Variants in CNTN2 observed in about 807,000 individuals in gnomAD.
CNTN2 encodes contactin 2.
CNTN2 carries 53 observed loss-of-function variants against 117.5 expected under a neutral mutation model. That is an observed-to-expected ratio of 0.45 (90% CI 0.36 to 0.57). CNTN2 has a LOEUF of 0.57. Ranked by LOEUF, CNTN2 falls within the 20% of genes least tolerant of loss-of-function variation. The pLI is 0.00. For missense variants in CNTN2, 1,106 were observed against 1,404.3 expected (o/e 0.79, Z 3.39); for synonymous variants, 530 against 561.7 (o/e 0.94, Z 0.80).
intron 10 of CNTN2, 151 bp from the exon 11 acceptor site, chr1:205,064,171 T>G (rs1234451817): frequency 1.2e-6 from 1 of 811,452 alleles, no homozygotes; most frequent in Non-Finnish European, 1.9e-6. Flanking sequence ...TTTGATAGCT[T>G]AGGCCAGAGA....
At chr1:205,069,759 G>C in intron 17 of CNTN2, 68 bp from the exon 18 acceptor site, 1 of 1,544,582 alleles carries the variant, frequency 6.5e-7, no homozygotes, top group Non-Finnish European at 8.9e-7. Flanking sequence ...CAAAGGTTGG[G>C]TGGGGCCAGG....
chr1:205,071,651 G>A (rs1014730324), intron 19 of CNTN2, among the ~76,000 whole-genome samples: 2 of 152,168 alleles, frequency 1.3e-5, no homozygotes, highest in South Asian at 2.1e-4. Context: ...AGCCCCCCAA[G>A]TTAATGAAAT....
chr1:205,071,929 T>C lies in CNTN2; in HGVS notation c.2545-18T>C. The C allele has an allele frequency of 6.3e-7, 1 of 1,598,788 alleles. No homozygotes were observed. Reference sequence around the variant, plus strand: ...CTGGGCTTGACTACTACCCCTTGGGTACCCCCGCCTCCTTCAGATCCGCTA... The same window carrying C: ...CTGGGCTTGACTACTACCCCTTGGGCACCCCCGCCTCCTTCAGATCCGCTA... On this transcript the variant is annotated intron_variant, in intron 19 of 22. Transcript: ENST00000331830.
Position 205,053,174 on chromosome 1 carries a change from C to T in CNTN2, c.-12C>T, listed in dbSNP as rs376101105. 132 of 1,610,500 alleles carry T rather than the reference C, an allele frequency of 8.2e-5. No homozygotes were observed. Among genetic ancestry groups the T allele is most frequent in the Non-Finnish European group, 1.0e-4 (118 of 1,178,454 alleles). The stretch of plus-strand genomic sequence containing the variant: ...TTCTCCTCCGATCCCCACCTCTGCC[C>T]GGACATCCACCATGGGGACAGCCAC... On this transcript the variant is annotated 5_prime_UTR_variant, in exon 2 of 23. Transcript: ENST00000331830.
In CNTN2 at chr1:205,064,598, C is replaced by T. The variant is rs201931933; in HGVS notation, c.1392-25C>T. ...CAGGGACAACCATGCCTGAGTTGGC[C>T]ACATCTGCCTTGTCCTTGCCACAGA... On this transcript the variant is annotated intron_variant, in intron 11 of 22. Transcript: ENST00000331830. The T allele has an allele frequency of 8.9e-5, 143 of 1,610,966 alleles. 2 individuals are homozygous for T. The highest frequency in any genetic ancestry group is 7.0e-5 in the Non-Finnish European group (82 of 1,177,504).
In CNTN2 at chr1:205,074,802, A is replaced by G. The variant is rs539322731; in HGVS notation, c.*1037A>G. The G allele has an allele frequency of 1.8e-5, 7 of 398,624 alleles. No individual in the cohort carries two copies. Among genetic ancestry groups the G allele is most frequent in the African/African-American group, 1.4e-4 (7 of 48,714 alleles). 24.7% of individuals were successfully genotyped at this position (398,624 alleles called of 1,614,324 possible). A position where few individuals can be genotyped will look rare whatever the true frequency, so the allele number is the denominator to read the frequency against. ...CAGCATTCATGCTGTGTGTCCTGGT[A>G]TTGGGAGGTTTCTGGGAAGGGCAGA... On this transcript the variant is annotated 3_prime_UTR_variant, in exon 23 of 23. Transcript: ENST00000331830.
chr1:205,046,919 C>G (rs764784622), intron 1 of CNTN2, among the ~76,000 whole-genome samples: 3 of 152,148 alleles, frequency 2.0e-5, no homozygotes, highest in African/African-American at 7.2e-5. Flanking sequence ...CCACTCCCTA[C>G]TTTAAAGGGT....
intron 7 of CNTN2, chr1:205,060,194 A>G (rs2151191001): frequency 6.4e-6 from 1 of 156,080 alleles, no homozygotes; most frequent in South Asian, 2.0e-4. Flanking sequence ...ACAGTGATCT[A>G]TTTGAGAATG....
In CNTN2 at chr1:205,048,295, C is replaced by T. The variant is rs1436006543; in HGVS notation, c.-86-4805C>T. Among the ~76,000 whole-genome samples, 1 of 152,108 alleles carries T rather than the reference C, an allele frequency of 6.6e-6. No homozygotes were observed. The highest frequency in any genetic ancestry group is 1.5e-5 in the Non-Finnish European group (1 of 68,010). On this transcript the variant is annotated intron_variant, in intron 1 of 22. Coordinates refer to ENST00000331830, the MANE Select transcript of CNTN2 (RefSeq NM_005076.5). This position sits in a 1 kb window ranked among gnomAD's most constrained non-coding sequence, Gnocchi z 4.1. ...TGTACCTTTTATTTTTTGACTGGCT[C>T]CATGCGGGGGGCCTTATCCCAGAAA... is the stretch of plus-strand genomic sequence containing the variant.
chr1:205,058,367 C>A lies in CNTN2; in HGVS notation c.391+11C>A, dbSNP rs750562954. 1 of 1,525,972 alleles carries A rather than the reference C, an allele frequency of 6.6e-7. No homozygotes were observed. The highest frequency in any genetic ancestry group is 8.8e-7 in the Non-Finnish European group (1 of 1,134,318). The allele number at this position is 1,525,972 out of a possible 1,614,324, so 94.5% of individuals were successfully genotyped here. A position where few individuals can be genotyped will look rare whatever the true frequency, so the allele number is the denominator to read the frequency against. Reference sequence around the variant, plus strand: ...TCCTCCGCTTCGGCTGTGAGACCCGCGGGGGACCAAGACACTTTGGGGGAG... The same window carrying A: ...TCCTCCGCTTCGGCTGTGAGACCCGAGGGGGACCAAGACACTTTGGGGGAG... On this transcript the variant is annotated intron_variant, in intron 4 of 22. Coordinates refer to ENST00000331830, the MANE Select transcript of CNTN2 (RefSeq NM_005076.5). This position sits in a 1 kb window ranked among gnomAD's most constrained non-coding sequence, Gnocchi z 4.3.
intron 2 of CNTN2, 94 bp from the exon 3 acceptor site, chr1:205,057,827 C>G: frequency 1.4e-6 from 2 of 1,441,160 alleles, no homozygotes; most frequent in Non-Finnish European, 1.9e-6. Flanking sequence ...ACATTCCCAT[C>G]ATCAGAGAAA....
At chr1:205,055,251 T>A (rs1033496764) in intron 2 of CNTN2, among the ~76,000 whole-genome samples, 1 of 152,132 alleles carries the variant, frequency 6.6e-6, no homozygotes, top group African/African-American at 2.4e-5. Context: ...CGAGCTCAGG[T>A]GATCCTCCTG....
chr1:205,049,270 T>G (rs2096447778), intron 1 of CNTN2, among the ~76,000 whole-genome samples: 2 of 132,488 alleles, frequency 1.5e-5, no homozygotes, highest in African/African-American at 5.8e-5. Context: ...AGGGGCTGAG[T>G]CCTCACACCC....
In CNTN2 at chr1:205,061,768, T is replaced by C; in HGVS notation, c.974-97T>C. On this transcript the variant is annotated intron_variant, in intron 8 of 22. Transcript: ENST00000331830. The surrounding 1 kb of genome is among the most constrained non-coding windows in gnomAD (Gnocchi z 4.8). ...AGAATGCTCATGGCGCCCTCTGCTG[T>C]CTGGCACAGGTGCTGCTGCCCTGAT... 7.0e-7 allele frequency: 1 copy of C among 1,435,540 alleles called. No homozygotes were observed. The highest frequency in any genetic ancestry group is 1.4e-5 in the African/African-American group (1 of 69,252). The allele number at this position is 1,435,540 out of a possible 1,614,324, so 88.9% of individuals were successfully genotyped here.
Position 205,073,091 on chromosome 1 carries a change from C to T in CNTN2, c.2868C>T (p.His956=). 6.2e-7 allele frequency: 1 copy of T among 1,614,156 alleles called. No individual in the cohort carries two copies. Among genetic ancestry groups the T allele is most frequent in the East Asian group, 2.2e-5 (1 of 44,882 alleles). ...AGATGCTGTACCAGAATGACTTACA[C>T]CTGACTCCCACGCTCCACCTCACCG... The part of the protein sequence containing the change: ...GYKMLYQNDL[H]LTPTLHLTGK... Residue 956 remains histidine, a synonymous_variant, in exon 22 of 23, where the codon CAC becomes CAT. Coordinates refer to ENST00000331830, the MANE Select transcript of CNTN2 (RefSeq NM_005076.5). The surrounding 1 kb of genome is among the most constrained non-coding windows in gnomAD (Gnocchi z 6.3).
chr1:205,064,830 AC>A, intron 12 of CNTN2, 80 bp downstream of exon 12: 1 of 1,567,940 alleles, frequency 6.4e-7, no homozygotes, highest in Non-Finnish European at 8.7e-7. Flanking sequence ...TCCTGTGTCC[AC>A]ATTGCTCCTA....
Position 205,061,011 on chromosome 1 carries a change from G to T in CNTN2, c.798-234G>T. On this transcript the variant is annotated intron_variant, in intron 7 of 22. Transcript: ENST00000331830. This position sits in a 1 kb window ranked among gnomAD's most constrained non-coding sequence, Gnocchi z 4.8. Reference sequence around the variant, plus strand: ...GAAGCCCGGCTTCACTGGCTCCAGGGTTGTTGCAGGGGGGATGGGTAGAGC... The same window carrying T: ...GAAGCCCGGCTTCACTGGCTCCAGGTTTGTTGCAGGGGGGATGGGTAGAGC... The T allele has an allele frequency of 2.0e-6, 1 of 498,484 alleles. No individual in the cohort carries two copies. Among genetic ancestry groups the T allele is most frequent in the South Asian group, 2.9e-5 (1 of 34,214 alleles). 30.9% of individuals were successfully genotyped at this position (498,484 alleles called of 1,614,324 possible).
intron 16 of CNTN2, 187 bp downstream of exon 16, chr1:205,067,437 A>G: frequency 1.9e-6 from 1 of 533,490 alleles, no homozygotes; most frequent in Non-Finnish European, 3.1e-6. Context: ...CAAACCATCT[A>G]GTCCAAACTC....
In CNTN2 at chr1:205,070,449, G is replaced by A; in HGVS notation, c.2455G>A (p.Val819Met). Reference sequence around the variant, plus strand: ...AGAGCCCAGGGTGGCCCCTACCAAGGTGTGGGCCAAAGGGGTCTCATCCTC... The same window carrying A: ...AGAGCCCAGGGTGGCCCCTACCAAGATGTGGGCCAAAGGGGTCTCATCCTC... ...EEEPRVAPTKVWAKGVSSSEM... is the reference protein window; with the variant it reads ...EEEPRVAPTKMWAKGVSSSEM... The change falls in exon 19 of 23, where the codon GTG becomes ATG. Residue 819 changes from valine to methionine, a missense_variant. By Grantham distance (21) the Val-to-Met change is conservative. Coordinates refer to ENST00000331830, the MANE Select transcript of CNTN2 (RefSeq NM_005076.5). 1 of 1,613,914 alleles carries A rather than the reference G, an allele frequency of 6.2e-7. No homozygotes were observed. The highest frequency in any genetic ancestry group is 8.5e-7 in the Non-Finnish European group (1 of 1,179,930).
Sources: allele counts gnomAD v4.1 joint callset (sites outside exome capture counted in the v4.1 genomes callset), GRCh38; gene constraint gnomAD v4.1.1; non-coding constraint Gnocchi (gnomAD v3.1); transcripts MANE v1.5; gene names NCBI Gene and HGNC (gene_info 2026-07-23, HGNC 2026-07-21).